PCNX2: variants seen among roughly 807,000 people sequenced by gnomAD.
PCNX2 encodes pecanex-like protein 2.
PCNX2 carries 168 observed loss-of-function variants against 223.8 expected under a neutral mutation model. The ratio of observed to expected loss-of-function variants is 0.75; its 90% confidence interval spans 0.66 to 0.85. The LOEUF (loss-of-function observed/expected upper bound fraction) is 0.85, where lower values mean the gene tolerates loss of function less well. PCNX2 is among the 40% of genes least tolerant of loss of function. The pLI, the probability that PCNX2 is intolerant of heterozygous loss-of-function variation, is 0.00. For synonymous variants in PCNX2, 1,006 were observed against 1,052.6 expected (o/e 0.96, Z 0.86); for missense variants, 2,507 against 2,675.5 (o/e 0.94, Z 1.39).
Position 233,054,493 on chromosome 1 carries a change from G to C in PCNX2, c.4136-10C>G. ...TTGTTGTCATCATTCCCTAAAGGCA[G>C]ACAAGAAATATGATCAGTGAATGCC... On this transcript the variant is annotated splice_polypyrimidine_tract_variant and intron_variant, in intron 24 of 33. Transcript: ENST00000258229. 1.3e-6 allele frequency: 2 copies of C among 1,598,866 alleles called. No homozygotes were observed. Among genetic ancestry groups the C allele is most frequent in the South Asian group, 2.2e-5 (2 of 90,238 alleles).
chr1:233,177,526 G>A (rs12034748), intron 17 of PCNX2, among the ~76,000 whole-genome samples: 19,830 of 152,180 alleles, frequency 0.13, 1,432 homozygotes, highest in East Asian at 0.22. Context: ...AACTGCTGGC[G>A]AGTGTACCCT....
the PCNX2 span, among the ~76,000 whole-genome samples, chr1:233,314,860 TC>T: frequency 6.6e-6 from 1 of 152,212 alleles, no homozygotes; most frequent in Admixed American, 6.5e-5. Flanking sequence ...CATTGAACCC[TC>T]ACCTTTATCA....
At chr1:233,007,857 T>C (rs1258921859) in intron 28 of PCNX2, among the ~76,000 whole-genome samples, 1 of 151,938 alleles carries the variant, frequency 6.6e-6, no homozygotes, top group East Asian at 1.9e-4. Context: ...TTTTGTATTT[T>C]TAGTAGAGAC....
At chr1:233,208,056 A>G (rs1681585984) in intron 13 of PCNX2, among the ~76,000 whole-genome samples, 1 of 152,088 alleles carries the variant, frequency 6.6e-6, no homozygotes, top group South Asian at 2.1e-4. Flanking sequence ...CCCGGGTTCA[A>G]GCAATTCTCC....
At chr1:232,985,298 C>A (rs541176444) in intron 33 of PCNX2, 1 of 152,268 alleles carries the variant, frequency 6.6e-6, no homozygotes, top group East Asian at 1.9e-4. Flanking sequence ...CAGGTGCAGC[C>A]CCCCGTCTCC....
At chr1:233,252,284 T>C in intron 7 of PCNX2, 70 bp downstream of exon 7, 1 of 1,507,524 alleles carries the variant, frequency 6.6e-7, no homozygotes, top group Non-Finnish European at 9.0e-7. Context: ...TGCTAAGGTA[T>C]CACACTGAGT....
intron 8 of PCNX2, among the ~76,000 whole-genome samples, chr1:233,249,843 C>T (rs777565785): frequency 9.9e-5 from 15 of 152,202 alleles, no homozygotes; most frequent in Non-Finnish European, 1.9e-4. Context: ...TGGTACACGA[C>T]AGCATTCCAC....
At chr1:233,266,803 A>C (rs1660354389) in intron 1 of PCNX2, among the ~76,000 whole-genome samples, 1 of 152,198 alleles carries the variant, frequency 6.6e-6, no homozygotes, top group African/African-American at 2.4e-5. Context: ...TCCTTGGCCA[A>C]AGAAAAGTTT....
the PCNX2 span, among the ~76,000 whole-genome samples, chr1:233,315,815 T>C: frequency 6.6e-6 from 1 of 151,840 alleles, no homozygotes. Flanking sequence ...TAACCTTTTT[T>C]TAAAAAAAAA....
chr1:233,297,616 G>C (rs1294349), upstream of PCNX2, among the ~76,000 whole-genome samples: 61,093 of 151,926 alleles, frequency 0.4, 12,447 homozygotes, highest in Middle Eastern at 0.46. Context: ...AGAGGAGCAT[G>C]GCAATTTGGG....
intron 8 of PCNX2, among the ~76,000 whole-genome samples, chr1:233,249,086 G>A (rs768199014): frequency 7.2e-5 from 11 of 152,198 alleles, no homozygotes; most frequent in Non-Finnish European, 1.5e-4. Flanking sequence ...CTAAGGAACT[G>A]AGGCTTAATG....
intron 23 of PCNX2, among the ~76,000 whole-genome samples, chr1:233,079,208 T>A (rs1337993034): frequency 6.6e-6 from 1 of 152,168 alleles, no homozygotes; most frequent in Non-Finnish European, 1.5e-5. Context: ...AATAAAGGTA[T>A]GCTTTTGCGC....
chr1:233,131,468 T>G (rs1676503036), intron 21 of PCNX2, among the ~76,000 whole-genome samples: 2 of 152,230 alleles, frequency 1.3e-5, no homozygotes, highest in Non-Finnish European at 2.9e-5. Context: ...GGACCTTAAC[T>G]GTGAACTTCT....
chr1:233,104,492 A>G lies in PCNX2; in HGVS notation c.3838-8629T>C, dbSNP rs77483966. ...TAAAATAATTGAAATGTATACACTTAGCCATGTAGTCTCAAAAATATCTGA... is the reference window on the plus strand; with the variant it reads ...TAAAATAATTGAAATGTATACACTTGGCCATGTAGTCTCAAAAATATCTGA... On this transcript the variant is annotated intron_variant, in intron 21 of 33. Coordinates refer to ENST00000258229, the MANE Select transcript of PCNX2 (RefSeq NM_014801.4). Among the ~76,000 whole-genome samples the G allele has an allele frequency of 9.3e-4, 141 of 152,304 alleles. 3 individuals carry two copies. In the East Asian group the frequency reaches 0.025, roughly 27 times the overall value.
In PCNX2 at chr1:233,100,126, A is replaced by G. The variant is rs149188350; in HGVS notation, c.3838-4263T>C. Among the ~76,000 whole-genome samples, 6 of 152,278 alleles carry G rather than the reference A, an allele frequency of 3.9e-5. No individual in the cohort carries two copies. In the East Asian group the frequency reaches 1.2e-3, roughly 29 times the overall value. ...TAGGAAAAGAGTAAAGAAAATCACA[A>G]TGAGGGCCGGGCGCGGGGGCTCACG... On this transcript the variant is annotated intron_variant, in intron 21 of 33. Coordinates refer to ENST00000258229, the MANE Select transcript of PCNX2 (RefSeq NM_014801.4).
the PCNX2 span, among the ~76,000 whole-genome samples, chr1:233,318,412 A>G: frequency 6.6e-6 from 1 of 151,688 alleles, no homozygotes; most frequent in African/African-American, 2.4e-5. Flanking sequence ...TTCCTTTCTC[A>G]GCTCCTTCCA....
chr1:233,293,891 T>C (rs1661917605), intron 1 of PCNX2: 31 of 915,810 alleles, frequency 3.4e-5, no homozygotes, highest in Non-Finnish European at 4.0e-5. Context: ...ATGACTTTGC[T>C]ATGCTGTCCC....
Position 233,255,154 on chromosome 1 carries a change from C to T in PCNX2, c.1835-2366G>A, listed in dbSNP as rs555303689. ...AAGTCAGACCACTATTTCTGGCAAA[C>T]AATCCAGGAAGCCAAACAATAACCC... On this transcript the variant is annotated intron_variant, in intron 5 of 33. Coordinates refer to ENST00000258229, the MANE Select transcript of PCNX2 (RefSeq NM_014801.4). Among the ~76,000 whole-genome samples, 14 of 152,288 alleles carry T rather than the reference C, an allele frequency of 9.2e-5. No homozygotes were observed. In the East Asian group the frequency reaches 2.3e-3, roughly 25 times the overall value.
rs1558391629 is a variant in PCNX2 at position 233,250,774 on chromosome 1, A to T, written c.2187T>A (p.Pro729=). 1.9e-6 allele frequency: 3 copies of T among 1,607,224 alleles called. No individual in the cohort carries two copies. Among genetic ancestry groups the T allele is most frequent in the Non-Finnish European group, 8.5e-7 (1 of 1,176,798 alleles). ...SGNQKEGPLQ[P]LPSNNDCLSQ... ...AGAGACAGTCATTATTTGATGGTAG[A>T]GGCTGTAAAGGGCCTTCTTTCTGAT... The change falls in exon 8 of 34, where the codon CCT becomes CCA. Residue 729 remains proline (P), a synonymous_variant. Coordinates refer to ENST00000258229, the MANE Select transcript of PCNX2 (RefSeq NM_014801.4).
Sources: gnomAD v4.1 joint callset for allele counts (sites outside exome capture counted in the v4.1 genomes callset) on GRCh38, gnomAD v4.1.1 for gene constraint, MANE v1.5 for transcripts, NCBI Gene and HGNC (gene_info 2026-07-23, HGNC 2026-07-21) for gene names.